The following ZRANB1 variants were observed in gnomAD, a reference collection of about 807,000 sequenced individuals.
ZRANB1 encodes the protein zinc finger RANBP2-type containing 1.
A neutral mutation model predicts 80.5 loss-of-function variants in ZRANB1; 16 were observed. The ratio of observed to expected loss-of-function variants is 0.20; its 90% confidence interval spans 0.13 to 0.30. The LOEUF (loss-of-function observed/expected upper bound fraction) is 0.30, where lower values mean the gene tolerates loss of function less well. Ranked by LOEUF, ZRANB1 falls within the 10% of genes least tolerant of loss-of-function variation. The pLI, the probability that ZRANB1 is intolerant of heterozygous loss-of-function variation, is 1.00. For synonymous variants in ZRANB1, 291 were observed against 293.1 expected (o/e 0.99, Z 0.07); for missense variants, 576 against 862.6 (o/e 0.67, Z 4.16).
the ZRANB1 span, among the ~76,000 whole-genome samples, chr10:124,929,310 C>T: frequency 1.3e-5 from 2 of 150,660 alleles, no homozygotes; most frequent in African/African-American, 4.9e-5. Context: ...TGACCCTGGA[C>T]GAGATGTTTC....
At chr10:124,963,749 G>A (rs985622009) in intron 1 of ZRANB1, among the ~76,000 whole-genome samples, 2 of 151,938 alleles carry the variant, frequency 1.3e-5, no homozygotes, top group South Asian at 2.1e-4. Context: ...TCTTTGAGCA[G>A]TGTGCAATAA....
At chr10:124,978,517 A>G (rs555962425) in intron 5 of ZRANB1, among the ~76,000 whole-genome samples, 2 of 152,306 alleles carry the variant, frequency 1.3e-5, no homozygotes, top group South Asian at 4.1e-4. Context: ...TCAAGTCTGA[A>G]TATATTGTAC....
intron 5 of ZRANB1, among the ~76,000 whole-genome samples, chr10:124,977,749 G>GAGA (rs367814696): frequency 0.011 from 1,656 of 150,768 alleles, 41 homozygotes; most frequent in Admixed American, 0.055. Flanking sequence ...TGGTTTGGTG[G>GAGA]AGAAATACAG....
At chr10:124,922,337 T>TATA in the ZRANB1 span, among the ~76,000 whole-genome samples, 70 of 34,756 alleles carry the variant, frequency 2.0e-3, no homozygotes, top group African/African-American at 4.7e-3. Context: ...TATATATATA[T>TATA]TTTTTTTTTA....
intron 6 of ZRANB1, among the ~76,000 whole-genome samples, chr10:124,982,089 G>A (rs1018630325): frequency 3.3e-5 from 5 of 152,096 alleles, no homozygotes; most frequent in East Asian, 1.9e-4. Flanking sequence ...TTTTTATATC[G>A]AATGATTAAA....
intron 3 of ZRANB1, among the ~76,000 whole-genome samples, chr10:124,972,354 A>G (rs1321612742): frequency 6.6e-6 from 1 of 152,120 alleles, no homozygotes; most frequent in Non-Finnish European, 1.5e-5. Flanking sequence ...TTCTTTGTGG[A>G]CCTCAGATTA....
At chr10:124,918,037 G>A in the ZRANB1 span, among the ~76,000 whole-genome samples, 1 of 152,126 alleles carries the variant, frequency 6.6e-6, no homozygotes, top group Non-Finnish European at 1.5e-5. Flanking sequence ...TGAGGATATT[G>A]TATTTCAGTC....
At chr10:124,922,266 T>TATATATATGTAAAATAC in the ZRANB1 span, among the ~76,000 whole-genome samples, 5 of 75,322 alleles carry the variant, frequency 6.6e-5, no homozygotes, top group African/African-American at 1.1e-4. Context: ...GTAAAATATA[T>TATATATATGTAAAATAC]ATATATATAT....
chr10:124,942,621 A>G lies in ZRANB1; in HGVS notation c.128A>G (p.Lys43Arg). The G allele has an allele frequency of 6.2e-7, 1 of 1,614,258 alleles. No homozygotes were observed. The highest frequency in any genetic ancestry group is 8.5e-7 in the Non-Finnish European group (1 of 1,180,040). The stretch of plus-strand genomic sequence containing the variant: ...ACAATTATTACAGAAGATCCATTTA[A>G]AAGTGGTTCAAGTGATGTTGGTAGA... Reference protein sequence around the residue: ...SGTIITEDPFKSGSSDVGRDW... With the variant: ...SGTIITEDPFRSGSSDVGRDW... The change falls in exon 1 of 9, where the codon AAA becomes AGA. Residue 43 changes from lysine to arginine, a missense_variant. Transcript: ENST00000359653.
intron 1 of ZRANB1, chr10:124,945,175 GTGT>G (rs1265320290): frequency 6.6e-6 from 1 of 152,202 alleles, no homozygotes; most frequent in African/African-American, 2.4e-5. Context: ...CACTACCTCT[GTGT>G]TGTTCCAGAA....
At chr10:124,949,584 C>G (rs765331938) in intron 1 of ZRANB1, among the ~76,000 whole-genome samples, 1 of 144,844 alleles carries the variant, frequency 6.9e-6, no homozygotes, top group East Asian at 2.0e-4. Flanking sequence ...TGCAGTGGTG[C>G]GATCACAGCT....
rs576297368 is a variant in ZRANB1, at chr10:124,956,831, T to C, written c.815-9763T>C. Reference sequence around the variant, plus strand: ...CTGTATAAAGGTTACAAGTGTAATATATTGAACACCACATGCCTTTGACCT... The same window carrying C: ...CTGTATAAAGGTTACAAGTGTAATACATTGAACACCACATGCCTTTGACCT... On this transcript the variant is annotated intron_variant, in intron 1 of 8. Transcript: ENST00000359653. Among the ~76,000 whole-genome samples, 6 of 152,336 alleles carry C rather than the reference T, an allele frequency of 3.9e-5. No homozygotes were observed. In the South Asian group the frequency reaches 1.2e-3, roughly 32 times the overall value.
chr10:124,959,180 A>T (rs1220640362), intron 1 of ZRANB1, among the ~76,000 whole-genome samples: 1 of 152,062 alleles, frequency 6.6e-6, no homozygotes, highest in Non-Finnish European at 1.5e-5. Context: ...ACCTAATCTC[A>T]TTAGGAGATT....
the ZRANB1 span, among the ~76,000 whole-genome samples, chr10:124,923,852 C>T: frequency 2.0e-5 from 3 of 151,770 alleles, no homozygotes; most frequent in African/African-American, 7.3e-5. Flanking sequence ...TCCCTTGACA[C>T]ATGGGGATTA....
Position 124,987,131 on chromosome 10 carries a change from TG to T in ZRANB1, c.*2141del, listed in dbSNP as rs1358552413. On this transcript the variant is annotated 3_prime_UTR_variant, in exon 9 of 9. Transcript: ENST00000359653. Reference sequence around the variant, plus strand: ...ACTGGCTGTTAAAGGCCAAAAATTTTGGTAAATCAATGCTATATTATGCTCT... The same window carrying T: ...ACTGGCTGTTAAAGGCCAAAAATTTTGTAAATCAATGCTATATTATGCTCT... The T allele has an allele frequency of 1.3e-5, 2 of 152,740 alleles. No individual in the cohort carries two copies. The allele number at this position is 152,740 out of a possible 1,614,324, so 9.5% of individuals were successfully genotyped here.
At chr10:124,977,155 A>G (rs1346662989) in intron 5 of ZRANB1, among the ~76,000 whole-genome samples, 1 of 147,904 alleles carries the variant, frequency 6.8e-6, no homozygotes, top group African/African-American at 2.5e-5. Context: ...ATTTTTCTGT[A>G]GAGATGAGGT....
chr10:124,948,060 G>A lies in ZRANB1; in HGVS notation c.814+4753G>A, dbSNP rs530585866. 1.9e-4 allele frequency among the ~76,000 whole-genome samples: 29 copies of A among 152,032 alleles called. No homozygotes were observed. The South Asian group carries it at 3.7e-3, about 20-fold the overall frequency. On this transcript the variant is annotated intron_variant, in intron 1 of 8. Transcript: ENST00000359653. ...AATAACACAGGTCTGAACTGTGCGC[G>A]TCCACTTATACGTGAGTTTTCTACC... is the stretch of plus-strand genomic sequence containing the variant.
At chr10:124,922,611 G>A in the ZRANB1 span, among the ~76,000 whole-genome samples, 6 of 151,498 alleles carry the variant, frequency 4.0e-5, no homozygotes, top group Non-Finnish European at 8.8e-5. Context: ...TCCTGCCTCA[G>A]CCTTCTGAGT....
intron 2 of ZRANB1, among the ~76,000 whole-genome samples, chr10:124,969,927 G>A (rs1053130878): frequency 1.3e-5 from 2 of 152,108 alleles, no homozygotes; most frequent in Non-Finnish European, 2.9e-5. Context: ...GGAAGGGGTT[G>A]TTTGGGGGCT....
Sources: gnomAD v4.1 joint callset for allele counts (sites outside exome capture counted in the v4.1 genomes callset) on GRCh38, gnomAD v4.1.1 for gene constraint, MANE v1.5 for transcripts, NCBI Gene and HGNC (gene_info 2026-07-23, HGNC 2026-07-21) for gene names.